The following DPP10 variants were observed in gnomAD, a reference collection of about 807,000 sequenced individuals.
DPP10 encodes the protein inactive dipeptidyl peptidase 10.
A neutral mutation model predicts 120.9 loss-of-function variants in DPP10; 33 were observed. The observed-to-expected ratio is 0.27, with a 90% CI of 0.21 to 0.37. DPP10 has a LOEUF of 0.37. Ranked by LOEUF, DPP10 falls within the 10% of genes least tolerant of loss-of-function variation. The pLI is 1.00. For missense variants in DPP10, 816 were observed against 942.8 expected, an observed-to-expected ratio of 0.87 and a Z score of 1.76; for synonymous variants, 337 against 326.1, an observed-to-expected ratio of 1.03 and a Z score of -0.36.
At chr2:114,969,389 T>G (rs1012046418) in intron 1 of DPP10, among the ~76,000 whole-genome samples, 2 of 152,192 alleles carry the variant, frequency 1.3e-5, no homozygotes, top group African/African-American at 4.8e-5. Flanking sequence ...CAATATAAGG[T>G]CATTGTTTAA....
At chr2:114,814,893 G>A (rs967285198) in intron 1 of DPP10, among the ~76,000 whole-genome samples, 6 of 152,306 alleles carry the variant, frequency 3.9e-5, no homozygotes, top group South Asian at 2.1e-4. Context: ...AGAACCAACC[G>A]TGGAGGAGCT....
At chr2:114,589,400 T>C (rs966008191) in intron 1 of DPP10, among the ~76,000 whole-genome samples, 1 of 152,220 alleles carries the variant, frequency 6.6e-6, no homozygotes, top group Non-Finnish European at 1.5e-5. Context: ...CAAACAGATA[T>C]AACGTGAATT....
intron 1 of DPP10, among the ~76,000 whole-genome samples, chr2:115,153,411 A>G (rs1231168376): frequency 6.6e-6 from 1 of 152,144 alleles, no homozygotes; most frequent in African/African-American, 2.4e-5. Context: ...ATATGCATTG[A>G]CTATTTGGGG....
At chr2:114,887,822 T>C (rs948822595) in intron 1 of DPP10, among the ~76,000 whole-genome samples, 1 of 152,190 alleles carries the variant, frequency 6.6e-6, no homozygotes, top group Non-Finnish European at 1.5e-5. Flanking sequence ...TTATACCATA[T>C]GACTCTGTTC....
intron 1 of DPP10, among the ~76,000 whole-genome samples, chr2:114,515,213 T>A (rs1684493589): frequency 6.6e-6 from 1 of 152,198 alleles, no homozygotes; most frequent in Non-Finnish European, 1.5e-5. Context: ...ATCATGGGCA[T>A]AAACATTGAG....
At chr2:115,721,727 T>G (rs1308898095) in intron 7 of DPP10, among the ~76,000 whole-genome samples, 1 of 152,158 alleles carries the variant, frequency 6.6e-6, no homozygotes, top group Non-Finnish European at 1.5e-5. Flanking sequence ...TAAAACTACC[T>G]TATGATCTAG....
At chr2:114,895,274 G>A (rs545506540) in intron 1 of DPP10, among the ~76,000 whole-genome samples, 4 of 152,306 alleles carry the variant, frequency 2.6e-5, no homozygotes, top group African/African-American at 7.2e-5. Context: ...AATCTATGAA[G>A]AATTACACAA....
chr2:114,766,096 A>G (rs1330814981), intron 1 of DPP10, among the ~76,000 whole-genome samples: 2 of 151,982 alleles, frequency 1.3e-5, no homozygotes, highest in South Asian at 4.1e-4. Context: ...AATATAAAAT[A>G]ATATATGAAA....
intron 1 of DPP10, among the ~76,000 whole-genome samples, chr2:114,573,166 A>T (rs147459469): frequency 3.9e-4 from 59 of 152,252 alleles, no homozygotes; most frequent in African/African-American, 1.2e-3. Flanking sequence ...CAGTTTTTGT[A>T]GAGACAGCAT....
chr2:115,197,090 G>A (rs2055331420), intron 1 of DPP10, among the ~76,000 whole-genome samples: 2 of 152,114 alleles, frequency 1.3e-5, no homozygotes, highest in South Asian at 4.1e-4. Flanking sequence ...AGTCTGGGCT[G>A]AGGAAACGAA....
At chr2:114,500,691 G>T (rs1683078932) in intron 1 of DPP10, among the ~76,000 whole-genome samples, 1 of 152,098 alleles carries the variant, frequency 6.6e-6, no homozygotes, top group Non-Finnish European at 1.5e-5. Context: ...AAACAAAAAA[G>T]CCAGAAAGAA....
chr2:114,493,244 A>T (rs900230242), intron 1 of DPP10, among the ~76,000 whole-genome samples: 1 of 152,174 alleles, frequency 6.6e-6, no homozygotes, highest in African/African-American at 2.4e-5. Context: ...CTATAAGGTA[A>T]GTGGAGCAAG....
At chr2:115,301,942 T>C (rs1402070257) in intron 1 of DPP10, among the ~76,000 whole-genome samples, 1 of 151,968 alleles carries the variant, frequency 6.6e-6, no homozygotes, top group Non-Finnish European at 1.5e-5. Flanking sequence ...TGAGTTCGTT[T>C]TGACATTACT....
chr2:115,330,428 CTTTAG>C, intron 2 of DPP10, among the ~76,000 whole-genome samples: 1 of 151,396 alleles, frequency 6.6e-6, no homozygotes, highest in Admixed American at 6.6e-5. Context: ...TGCAGAAGCT[CTTTAG>C]TTTAATTAGA....
Position 115,378,230 on chromosome 2 carries a change from G to A in DPP10, c.271+34318G>A, listed in dbSNP as rs537120214. Reference sequence around the variant, plus strand: ...TGTTTGTATCCTCTTTTATTTCATCGAGCAGTGGTTTGTAGTTCTCCTTGA... The same window carrying A: ...TGTTTGTATCCTCTTTTATTTCATCAAGCAGTGGTTTGTAGTTCTCCTTGA... On this transcript the variant is annotated intron_variant, in intron 3 of 25. Coordinates refer to ENST00000410059, the MANE Select transcript of DPP10 (RefSeq NM_020868.6). 1.7e-4 allele frequency among the ~76,000 whole-genome samples: 26 copies of A among 151,700 alleles called. 1 individual carries two copies. Among genetic ancestry groups the A allele is most frequent in the South Asian group, 1.2e-3 (6 of 4,812 alleles).
chr2:115,762,388 CG>C (rs201352115), intron 11 of DPP10, among the ~76,000 whole-genome samples, 183 bp from the exon 12 acceptor site: 5 of 116,460 alleles, frequency 4.3e-5, no homozygotes, highest in South Asian at 5.6e-4. Context: ...ATTAAATTAT[CG>C]TTTAGTCCCT....
chr2:114,577,601 A>G (rs549643169), intron 1 of DPP10, among the ~76,000 whole-genome samples: 84 of 152,284 alleles, frequency 5.5e-4, no homozygotes, highest in Middle Eastern at 3.4e-3. Context: ...TTTTAAAGTA[A>G]CAGGCATGAC....
intron 1 of DPP10, among the ~76,000 whole-genome samples, chr2:114,621,990 A>G (rs1694126530): frequency 6.6e-6 from 1 of 151,874 alleles, no homozygotes; most frequent in South Asian, 2.1e-4. Context: ...AAAAACTAGT[A>G]GATAAAATGA....
intron 1 of DPP10, among the ~76,000 whole-genome samples, chr2:114,482,112 C>T (rs967285531): frequency 1.3e-5 from 2 of 152,058 alleles, no homozygotes; most frequent in African/African-American, 2.4e-5. Context: ...AGGTCCCTTC[C>T]TCAATATGTG....
Sources: allele counts gnomAD v4.1 joint callset (sites outside exome capture counted in the v4.1 genomes callset), GRCh38; gene constraint gnomAD v4.1.1; transcripts MANE v1.5; gene names NCBI Gene and HGNC (gene_info 2026-07-23, HGNC 2026-07-21).